The following PLEKHA7 variants were observed in gnomAD, a reference collection of about 807,000 sequenced individuals.
PLEKHA7 encodes pleckstrin homology domain containing A7.
Under a neutral mutation model 170.0 loss-of-function variants are expected in PLEKHA7, and 104 were observed. The ratio of observed to expected loss-of-function variants is 0.61; its 90% confidence interval spans 0.52 to 0.72. PLEKHA7 has a LOEUF of 0.72. Ranked by LOEUF, PLEKHA7 falls within the 30% of genes least tolerant of loss-of-function variation. The probability of loss-of-function intolerance (pLI) is 0.00; values close to 1 mark genes in which losing one functional copy is unlikely to be tolerated. For synonymous variants in PLEKHA7, 648 were observed against 660.8 expected (o/e 0.98, Z 0.30); for missense variants, 1,615 against 1,671.7 (o/e 0.97, Z 0.59).
rs534198572 is a variant in PLEKHA7, at chr11:16,935,153, G to A, written c.222-63971C>T. Among the ~76,000 whole-genome samples, 20 of 152,376 alleles carry A rather than the reference G, an allele frequency of 1.3e-4. No individual in the cohort carries two copies. In the South Asian group the frequency reaches 3.9e-3, roughly 30 times the overall value. ...ATCCACAAATAAATATCGAATGTGAGGCTGGGCATGGTGGCTCACGCCTGT... is the reference window on the plus strand; with the variant it reads ...ATCCACAAATAAATATCGAATGTGAAGCTGGGCATGGTGGCTCACGCCTGT... On this transcript the variant is annotated intron_variant, in intron 3 of 26. Transcript: ENST00000531066.
chr11:16,994,869 A>G (rs4757475), intron 3 of PLEKHA7, among the ~76,000 whole-genome samples: 60,594 of 151,892 alleles, frequency 0.4, 12,693 homozygotes, highest in East Asian at 0.57. Context: ...TCCTCTGGTC[A>G]TTGACATGGC....
chr11:16,975,113 T>G lies in PLEKHA7; in HGVS notation c.221+38876A>C. On this transcript the variant is annotated intron_variant, in intron 3 of 26. Transcript: ENST00000531066. ...AGATTTCATCACATGCATACATTCA[T>G]GTGTGCCCCACCACAATCAGGACAC... The G allele has an allele frequency of 7.9e-6, 4 of 508,694 alleles. 1 individual carries two copies. Among genetic ancestry groups the G allele is most frequent in the Non-Finnish European group, 5.8e-6 (2 of 343,602 alleles). The allele number at this position is 508,694 out of a possible 1,614,324, so 31.5% of individuals were successfully genotyped here.
chr11:16,884,507 C>A (rs1424451927), intron 3 of PLEKHA7, among the ~76,000 whole-genome samples: 2 of 151,998 alleles, frequency 1.3e-5, no homozygotes, highest in Non-Finnish European at 2.9e-5. Flanking sequence ...TGGTGGTGGG[C>A]ACCTGTAATT....
chr11:16,931,755 TCCC>T lies in PLEKHA7; in HGVS notation c.222-60576_222-60574del, dbSNP rs11318824. On this transcript the variant is annotated intron_variant, in intron 3 of 26. Coordinates refer to ENST00000531066, the MANE Select transcript of PLEKHA7 (RefSeq NM_001329630.2). The stretch of plus-strand genomic sequence containing the variant: ...GGGGCACAGAGTGAATGAGATTCCA[TCCC>T]CCCCCCCCCAAAAAAAAAAAAGGGA... Among the ~76,000 whole-genome samples, 77 of 124,694 alleles carry T rather than the reference TCCC, an allele frequency of 6.2e-4. 1 individual carries two copies. The South Asian group carries it at 0.01, about 17-fold the overall frequency. The allele number at this position is 124,694 out of a possible 152,430, so 81.8% of individuals were successfully genotyped here.
chr11:16,786,140 G>A (rs1849376550), intron 24 of PLEKHA7, 89 bp downstream of exon 24: 4 of 1,456,216 alleles, frequency 2.7e-6, no homozygotes, highest in African/African-American at 1.4e-5. Flanking sequence ...TCCCTGTTCA[G>A]GATGATACCC....
At chr11:16,952,748 A>G (rs774951357) in intron 3 of PLEKHA7, among the ~76,000 whole-genome samples, 1 of 152,226 alleles carries the variant, frequency 6.6e-6, no homozygotes, top group Non-Finnish European at 1.5e-5. Context: ...AAATGTTTCA[A>G]TGGACATTTC....
At chr11:16,991,518 G>A (rs12418478) in intron 3 of PLEKHA7, among the ~76,000 whole-genome samples, 1 of 152,108 alleles carries the variant, frequency 6.6e-6, no homozygotes, top group Non-Finnish European at 1.5e-5. Flanking sequence ...TGACATCTCA[G>A]CAGAGACCTG....
Position 16,794,589 on chromosome 11 carries a change from A to G in PLEKHA7, c.2644T>C (p.Phe882Leu). The G allele has an allele frequency of 6.2e-7, 1 of 1,613,508 alleles. No individual in the cohort carries two copies. The highest frequency in any genetic ancestry group is 2.2e-5 in the East Asian group (1 of 44,842). Residue 882 changes from phenylalanine (F) to leucine (L), a missense_variant, in exon 19 of 27, where the codon TTC becomes CTC. By Grantham distance (22) the Phe-to-Leu change is conservative (BLOSUM62 0). Transcript: ENST00000531066. ...GGCACGTAGGTTTGCAGCTGGGGGA[A>G]GAGTCGAACCTCCAGAGGGGTCCGC... Reference protein sequence around the residue: ...PVRTPLEVRLFPQLQTYVPYR... With the variant: ...PVRTPLEVRLLPQLQTYVPYR...
chr11:16,935,481 G>A (rs2136356591), intron 3 of PLEKHA7, among the ~76,000 whole-genome samples: 1 of 152,366 alleles, frequency 6.6e-6, no homozygotes, highest in South Asian at 2.1e-4. Flanking sequence ...AGGCATGTCA[G>A]TGCCCACTGC....
In PLEKHA7 at chr11:16,858,931, T is replaced by G. The variant is rs184440814; in HGVS notation, c.306-3017A>C. Among the ~76,000 whole-genome samples the G allele has an allele frequency of 1.9e-4, 29 of 152,336 alleles. No homozygotes were observed. In the East Asian group the frequency reaches 5.6e-3, roughly 29 times the overall value. ...ACTAGCTTCTGGGATGCTAGCTGGCTGGACATCAGTGAGGGGCAGTGAGGG... is the reference window on the plus strand; with the variant it reads ...ACTAGCTTCTGGGATGCTAGCTGGCGGGACATCAGTGAGGGGCAGTGAGGG... On this transcript the variant is annotated intron_variant, in intron 4 of 26. Coordinates refer to ENST00000531066, the MANE Select transcript of PLEKHA7 (RefSeq NM_001329630.2).
chr11:16,844,958 C>T (rs1465731632), intron 8 of PLEKHA7, among the ~76,000 whole-genome samples: 1 of 152,190 alleles, frequency 6.6e-6, no homozygotes, highest in Admixed American at 6.5e-5. Flanking sequence ...TAAACAAGGC[C>T]ATAATAGTTT....
intron 3 of PLEKHA7, among the ~76,000 whole-genome samples, chr11:16,906,782 G>A (rs1462423859): frequency 1.4e-5 from 2 of 139,150 alleles, no homozygotes; most frequent in Non-Finnish European, 1.5e-5. Context: ...CTGCCTGGCC[G>A]CCCATCGTCT....
intron 9 of PLEKHA7, among the ~76,000 whole-genome samples, chr11:16,834,933 A>C (rs1224265274): frequency 2.0e-5 from 3 of 152,188 alleles, no homozygotes; most frequent in Non-Finnish European, 4.4e-5. Context: ...ATTAATGTCT[A>C]TCATGGAATT....
chr11:16,921,791 G>C (rs1202079039), intron 3 of PLEKHA7, among the ~76,000 whole-genome samples: 1 of 152,224 alleles, frequency 6.6e-6, no homozygotes, highest in African/African-American at 2.4e-5. Context: ...TTACAGTTGA[G>C]CATACGTTGT....
chr11:16,899,164 T>C (rs1857170959), intron 3 of PLEKHA7, among the ~76,000 whole-genome samples: 1 of 152,176 alleles, frequency 6.6e-6, no homozygotes, highest in African/African-American at 2.4e-5. Flanking sequence ...TTTGATTCAA[T>C]GGGTTTTACT....
intron 17 of PLEKHA7, among the ~76,000 whole-genome samples, chr11:16,797,768 CAGGTA>C (rs1460888777): frequency 6.6e-6 from 1 of 152,142 alleles, no homozygotes; most frequent in Non-Finnish European, 1.5e-5. Context: ...GTGTTGAGAA[CAGGTA>C]AAGAAAGGGA....
chr11:16,884,541 A>G (rs954791061), intron 3 of PLEKHA7, among the ~76,000 whole-genome samples: 1 of 152,200 alleles, frequency 6.6e-6, no homozygotes, highest in Non-Finnish European at 1.5e-5. Flanking sequence ...AGGCTGAGCC[A>G]GGAGAATTGT....
intron 12 of PLEKHA7, among the ~76,000 whole-genome samples, chr11:16,813,501 G>T (rs1369433604): frequency 6.6e-6 from 1 of 151,236 alleles, no homozygotes; most frequent in Non-Finnish European, 1.5e-5. Context: ...ACCTGGAGGA[G>T]CATATGCCAC....
At position 16,786,260 on chromosome 11, in the gene PLEKHA7, G is replaced by A. The variant is rs1022597755; in HGVS notation, c.3485C>T (p.Pro1162Leu). The change falls in exon 24 of 27, where the codon CCT becomes CTT. Residue 1162 changes from proline to leucine, a missense_variant. Physicochemically the swap from Pro to Leu is moderately conservative, Grantham distance 98. Transcript: ENST00000531066. ...GCTGATGTCCAAGTCATAGTCTTGA[G>A]GCTCCAGGTCCAACTCAGTGACAGG... ...AMPVTELDLE[P>L]QDYDLDISRE... The A allele has an allele frequency of 2.6e-5, 40 of 1,536,040 alleles. No individual in the cohort carries two copies. The highest frequency in any genetic ancestry group is 1.7e-4 in the Middle Eastern group (1 of 6,012).
Sources: gnomAD v4.1 joint callset for allele counts (sites outside exome capture counted in the v4.1 genomes callset) on GRCh38, gnomAD v4.1.1 for gene constraint, MANE v1.5 for transcripts, NCBI Gene and HGNC (gene_info 2026-07-23, HGNC 2026-07-21) for gene names.